CACNA1C: variants seen among roughly 807,000 people sequenced by gnomAD.
CACNA1C encodes the protein calcium voltage-gated channel subunit alpha1 C, also known as voltage-dependent L-type calcium channel subunit alpha-1C.
A neutral mutation model predicts 229.0 loss-of-function variants in CACNA1C; 30 were observed. The observed-to-expected ratio is 0.13, with a 90% CI of 0.10 to 0.18. The LOEUF is 0.18. Ranked by LOEUF, CACNA1C falls within the 10% of genes least tolerant of loss-of-function variation. The pLI, the probability that CACNA1C is intolerant of heterozygous loss-of-function variation, is 1.00. For missense variants in CACNA1C, 1,658 were observed against 2,845.0 expected (o/e 0.58, Z 9.49); for synonymous variants, 1,114 against 1,132.5 (o/e 0.98, Z 0.33).
chr12:2,241,762 A>T (rs535728794), intron 3 of CACNA1C, among the ~76,000 whole-genome samples: 1 of 152,198 alleles, frequency 6.6e-6, no homozygotes, highest in Non-Finnish European at 1.5e-5. Context: ...ATCCCTCCCA[A>T]TGTGGCTGCA....
intron 3 of CACNA1C, among the ~76,000 whole-genome samples, chr12:2,389,160 G>A (rs2098443822): frequency 6.6e-6 from 1 of 152,078 alleles, no homozygotes; most frequent in Admixed American, 6.5e-5. Flanking sequence ...TAAGGAAGAT[G>A]GTGTTGGGAA....
chr12:2,684,000 G>A (rs1257082465), intron 43 of CACNA1C, among the ~76,000 whole-genome samples: 1 of 152,256 alleles, frequency 6.6e-6, no homozygotes, highest in African/African-American at 2.4e-5. Context: ...ACTTCAGAGT[G>A]AGGAAGGACT....
intron 1 of CACNA1C, among the ~76,000 whole-genome samples, chr12:2,069,723 TG>T (rs1304426160): frequency 1.3e-5 from 2 of 152,252 alleles, no homozygotes; most frequent in African/African-American, 4.8e-5. Flanking sequence ...AAGGGATTGA[TG>T]GAAATATGGC....
intron 3 of CACNA1C, among the ~76,000 whole-genome samples, chr12:2,347,677 A>G (rs2097087151): frequency 1.3e-5 from 2 of 152,218 alleles, no homozygotes; most frequent in South Asian, 4.1e-4. Flanking sequence ...GATTTGTGGG[A>G]GGGTTTGCCT....
intron 34 of CACNA1C, chr12:2,660,366 A>G (rs1203974865): frequency 6.6e-6 from 1 of 152,126 alleles, no homozygotes; most frequent in African/African-American, 2.4e-5. Context: ...ACGGTCCGAT[A>G]ACTTTTCATT....
At chr12:2,167,888 C>T (rs940863603) in intron 3 of CACNA1C, among the ~76,000 whole-genome samples, 1 of 152,206 alleles carries the variant, frequency 6.6e-6, no homozygotes, top group Non-Finnish European at 1.5e-5. Context: ...TCCCTTCTCC[C>T]AGGTTCTGCC....
At position 2,597,036 on chromosome 12, in the gene CACNA1C, C is replaced by G. The variant is rs748321824; in HGVS notation, c.2794-194C>G. 6.6e-6 allele frequency among the ~76,000 whole-genome samples: 1 copy of G among 152,230 alleles called. No homozygotes were observed. The highest frequency in any genetic ancestry group is 1.5e-5 in the Non-Finnish European group (1 of 68,016). ...AAGCCGCTGTGCTGCCTGAGGCTAGCCCCGCCTCAGGATGTCTGTGTGTGT... is the reference window on the plus strand; with the variant it reads ...AAGCCGCTGTGCTGCCTGAGGCTAGGCCCGCCTCAGGATGTCTGTGTGTGT... On this transcript the variant is annotated intron_variant, in intron 20 of 46. Coordinates refer to ENST00000399655, the MANE Select transcript of CACNA1C (RefSeq NM_000719.7). The surrounding 1 kb of genome is among the most constrained non-coding windows in gnomAD (Gnocchi z 4.3).
chr12:2,381,658 T>C (rs190401978), intron 3 of CACNA1C, among the ~76,000 whole-genome samples: 1 of 152,292 alleles, frequency 6.6e-6, no homozygotes, highest in East Asian at 1.9e-4. Context: ...CCATTTCCAC[T>C]ATTGGGCAGC....
chr12:2,638,855 G>C (rs964794264), intron 30 of CACNA1C, among the ~76,000 whole-genome samples: 1 of 152,068 alleles, frequency 6.6e-6, no homozygotes, highest in African/African-American at 2.4e-5. Flanking sequence ...CAGTTTTGAC[G>C]TATCTGTTAG....
intron 13 of CACNA1C, among the ~76,000 whole-genome samples, chr12:2,577,319 G>A (rs1038143915): frequency 7.9e-5 from 12 of 152,228 alleles, no homozygotes; most frequent in African/African-American, 2.9e-4. Context: ...AGGCTGACCT[G>A]TGCCCTCAAA....
intron 3 of CACNA1C, among the ~76,000 whole-genome samples, chr12:2,429,149 T>A (rs1309652882): frequency 2.0e-5 from 3 of 151,714 alleles, no homozygotes; most frequent in Non-Finnish European, 4.4e-5. Context: ...ATGGCTTCCC[T>A]CTTTGTGTGT....
intron 3 of CACNA1C, among the ~76,000 whole-genome samples, chr12:2,438,316 G>T (rs1050966335): frequency 1.0e-4 from 15 of 148,198 alleles, no homozygotes; most frequent in Non-Finnish European, 2.0e-4. Flanking sequence ...TGGTGGTTGT[G>T]GTGATGGTGG....
At chr12:2,524,720 G>A (rs1282711711) in intron 9 of CACNA1C, among the ~76,000 whole-genome samples, 2 of 152,256 alleles carry the variant, frequency 1.3e-5, no homozygotes, top group East Asian at 3.9e-4. Flanking sequence ...GCAGAAGAGG[G>A]AGCAGAGGGC....
chr12:2,103,701 C>T (rs143459027), intron 1 of CACNA1C, among the ~76,000 whole-genome samples: 2,960 of 152,196 alleles, frequency 0.019, 52 homozygotes, highest in South Asian at 0.041. Context: ...AGGGTTTTTA[C>T]GGTTTTAGGT....
At chr12:2,542,768 C>T (rs1175839830) in intron 9 of CACNA1C, among the ~76,000 whole-genome samples, 1 of 152,120 alleles carries the variant, frequency 6.6e-6, no homozygotes, top group East Asian at 1.9e-4. Context: ...TAACTGGGCA[C>T]CTCTCTTGAG....
At chr12:2,138,666 G>C (rs1256804568) in intron 3 of CACNA1C, among the ~76,000 whole-genome samples, 2 of 150,976 alleles carry the variant, frequency 1.3e-5, no homozygotes, top group Non-Finnish European at 3.0e-5. Context: ...AGCCCAACAT[G>C]GTCTTTCAGC....
chr12:2,043,701 TGC>T (rs1566017262), intron 1 of CACNA1C, among the ~76,000 whole-genome samples: 27 of 136,350 alleles, frequency 2.0e-4, no homozygotes, highest in African/African-American at 7.4e-4. Flanking sequence ...CAGGCCGGAC[TGC>T]GGACTGCAGT....
chr12:2,099,553 C>T (rs577540884), intron 1 of CACNA1C, among the ~76,000 whole-genome samples: 1 of 152,254 alleles, frequency 6.6e-6, no homozygotes, highest in Non-Finnish European at 1.5e-5. Flanking sequence ...GGGGTGGCCA[C>T]AGTCATATTG....
chr12:2,449,849 C>T (rs2099344393), intron 4 of CACNA1C, among the ~76,000 whole-genome samples: 1 of 152,222 alleles, frequency 6.6e-6, no homozygotes, highest in South Asian at 2.1e-4. Flanking sequence ...CGTCCGTGAG[C>T]ATGCAGTCTG....
Sources: gnomAD v4.1 joint callset for allele counts (sites outside exome capture counted in the v4.1 genomes callset) on GRCh38, gnomAD v4.1.1 for gene constraint, Gnocchi (gnomAD v3.1) non-coding constraint, MANE v1.5 for transcripts, NCBI Gene and HGNC (gene_info 2026-07-23, HGNC 2026-07-21) for gene names.